Variants in FIP1L1 observed in about 807,000 individuals in gnomAD.
FIP1L1 encodes the protein factor interacting with PAPOLA and CPSF1.
FIP1L1 carries 21 observed loss-of-function variants against 84.6 expected under a neutral mutation model. The ratio of observed to expected loss-of-function variants is 0.25; its 90% CI spans 0.18 to 0.36. FIP1L1 has a LOEUF of 0.36. Ranked by LOEUF, FIP1L1 falls within the 10% of genes least tolerant of loss-of-function variation. FIP1L1 has a pLI of 1.00. For missense variants in FIP1L1, 526 were observed against 751.1 expected, an observed-to-expected ratio of 0.70 and a Z score of 3.50; for synonymous variants, 263 against 242.3, an observed-to-expected ratio of 1.09 and a Z score of -0.80.
chr4:53,417,747 AC>A (rs1293110865), intron 11 of FIP1L1, among the ~76,000 whole-genome samples: 1 of 33,832 alleles, frequency 3.0e-5, no homozygotes, highest in Non-Finnish European at 5.8e-5. Context: ...AAACACACAC[AC>A]ACACACACAC....
Position 53,383,880 on chromosome 4 carries a change from A to C in FIP1L1, c.332+4A>C, listed in dbSNP as rs1560484595. ...AAACGGGAGCACCACAGTATGGGTA[A>C]GTTATTTTTTAGTAAGTAACAATTG... On this transcript the variant is annotated splice_donor_region_variant and intron_variant, in intron 5 of 17. Transcript: ENST00000337488. 1 of 1,608,826 alleles carries C rather than the reference A, an allele frequency of 6.2e-7. No homozygotes were observed. The highest frequency in any genetic ancestry group is 1.1e-5 in the South Asian group (1 of 89,802).
intron 16 of FIP1L1, 130 bp downstream of exon 16, chr4:53,453,263 TAAAATGATA>T (rs1560587730): frequency 4.0e-6 from 4 of 995,388 alleles, no homozygotes. Context: ...AAAGCCATCT[TAAAATGATA>T]AAGGATTAGA....
chr4:53,442,671 G>C lies in FIP1L1; in HGVS notation c.1193G>C (p.Gly398Ala). 6.2e-7 allele frequency: 1 copy of C among 1,606,130 alleles called. No individual in the cohort carries two copies. Among genetic ancestry groups the C allele is most frequent in the Non-Finnish European group, 8.5e-7 (1 of 1,173,310 alleles). ...IPPPGFPPPP[G>A]APPPSLIPTI... Reference sequence around the variant, plus strand: ...GTTTCAGGTTTTCCTCCTCCACCAGGCGCTCCACCTCCATCTCTTATACCA... The same window carrying C: ...GTTTCAGGTTTTCCTCCTCCACCAGCCGCTCCACCTCCATCTCTTATACCA... The change falls in exon 14 of 18, where the codon GGC becomes GCC. Residue 398 changes from glycine (G) to alanine (A), a missense_variant. Coordinates refer to ENST00000337488, the MANE Select transcript of FIP1L1 (RefSeq NM_030917.4).
Position 53,408,757 on chromosome 4 carries a change from A to G in FIP1L1, c.816-5858A>G, listed in dbSNP as rs140910519. On this transcript the variant is annotated intron_variant, in intron 10 of 17. Coordinates refer to ENST00000337488, the MANE Select transcript of FIP1L1 (RefSeq NM_030917.4). ...CATTTCATTCATTTGATCTTGCATCACTGATACCCTTTCTTTCAGTTGATC... is the reference window on the plus strand; with the variant it reads ...CATTTCATTCATTTGATCTTGCATCGCTGATACCCTTTCTTTCAGTTGATC... Among the ~76,000 whole-genome samples the G allele has an allele frequency of 7.0e-3, 1,060 of 152,228 alleles. 6 individuals carry two copies. The highest frequency in any genetic ancestry group is 0.01 in the Middle Eastern group (3 of 294).
At chr4:53,454,855 T>G (rs1718100508) in intron 16 of FIP1L1, among the ~76,000 whole-genome samples, 1 of 152,224 alleles carries the variant, frequency 6.6e-6, no homozygotes, top group African/African-American at 2.4e-5. Context: ...TGATGGCATC[T>G]TCTTCCAGTA....
chr4:53,431,737 G>A (rs76594108), intron 13 of FIP1L1, among the ~76,000 whole-genome samples: 2 of 152,118 alleles, frequency 1.3e-5, no homozygotes, highest in Non-Finnish European at 2.9e-5. Flanking sequence ...AAATTCCCTG[G>A]TTTAGATGAT....
intron 10 of FIP1L1, among the ~76,000 whole-genome samples, chr4:53,409,216 C>G (rs563401102): frequency 6.6e-6 from 1 of 152,354 alleles, no homozygotes; most frequent in East Asian, 1.9e-4. Flanking sequence ...TTCTAACAGA[C>G]AGGACCCTCA....
chr4:53,393,950 T>G (rs1745884748), intron 9 of FIP1L1, among the ~76,000 whole-genome samples: 1 of 152,116 alleles, frequency 6.6e-6, no homozygotes, highest in African/African-American at 2.4e-5. Context: ...TTCTTTTCTA[T>G]TCTAGATAAT....
At position 53,460,103 on chromosome 4, in the gene FIP1L1, ACACT is replaced by A. The variant is rs1193753136; in HGVS notation, c.*656_*659del. The A allele has an allele frequency of 1.0e-5, 2 of 199,824 alleles. No homozygotes were observed. Among genetic ancestry groups the A allele is most frequent in the African/African-American group, 4.6e-5 (2 of 43,422 alleles). 12.4% of individuals were successfully genotyped at this position (199,824 alleles called of 1,614,324 possible). On this transcript the variant is annotated 3_prime_UTR_variant, in exon 18 of 18. Coordinates refer to ENST00000337488, the MANE Select transcript of FIP1L1 (RefSeq NM_030917.4). ...TAGTTTCTAGGAGGCATGTGTACACACACTCTTCATTGTGGCACAAATTTAAATC... is the reference window on the plus strand; with the variant it reads ...TAGTTTCTAGGAGGCATGTGTACACACTTCATTGTGGCACAAATTTAAATC...
At chr4:53,442,594 C>A in intron 13 of FIP1L1, 59 bp from the exon 14 acceptor site, 3 of 1,184,622 alleles carry the variant, frequency 2.5e-6, no homozygotes, top group South Asian at 1.2e-5. Context: ...AACTTTGTTT[C>A]ACTCTTGACA....
At chr4:53,382,512 A>C (rs947754368) in intron 4 of FIP1L1, among the ~76,000 whole-genome samples, 177 bp downstream of exon 4, 1 of 152,222 alleles carries the variant, frequency 6.6e-6, no homozygotes, top group African/African-American at 2.4e-5. Context: ...AATTAAAATG[A>C]GGAAAAGAAA....
chr4:53,437,326 C>CAAAAAAAAA (rs55957570), intron 13 of FIP1L1, among the ~76,000 whole-genome samples: 9 of 64,502 alleles, frequency 1.4e-4, no homozygotes, highest in Middle Eastern at 0.011. Flanking sequence ...CTGTCTCAAC[C>CAAAAAAAAA]AAAAAAAAAA....
At chr4:53,447,808 C>G (rs898639799) in intron 15 of FIP1L1, among the ~76,000 whole-genome samples, 1 of 151,980 alleles carries the variant, frequency 6.6e-6, no homozygotes, top group Admixed American at 6.6e-5. Context: ...CGGCTTATAT[C>G]TATAGCCTGA....
rs548356811 is a variant in FIP1L1, at chr4:53,394,576, T to C, written c.705+3078T>C. 2.6e-5 allele frequency among the ~76,000 whole-genome samples: 4 copies of C among 152,314 alleles called. No homozygotes were observed. The Middle Eastern group carries it at 0.014, about 518-fold the overall frequency. On this transcript the variant is annotated intron_variant, in intron 9 of 17. Transcript: ENST00000337488. ...TTCTGAATTTTTGAGGGTCCTGACA[T>C]GATAATCATTGTCTTTGCTTTCTCA...
At chr4:53,446,295 TTA>T (rs1774183700) in intron 15 of FIP1L1, among the ~76,000 whole-genome samples, 1 of 152,204 alleles carries the variant, frequency 6.6e-6, no homozygotes, top group Non-Finnish European at 1.5e-5. Flanking sequence ...TATTCAGCCA[TTA>T]AATGGACAGC....
chr4:53,453,245 T>C, intron 16 of FIP1L1, 112 bp downstream of exon 16: 1 of 1,214,924 alleles, frequency 8.2e-7, no homozygotes, highest in Non-Finnish European at 1.2e-6. Flanking sequence ...GCTCAGGGAG[T>C]ACATAGGAAA....
intron 9 of FIP1L1, among the ~76,000 whole-genome samples, chr4:53,391,929 T>TA (rs907598452): frequency 2.0e-5 from 3 of 152,238 alleles, no homozygotes; most frequent in African/African-American, 7.2e-5. Context: ...ATCATTGGTG[T>TA]AATGCCCTGA....
In FIP1L1 at chr4:53,459,989, A is replaced by G. The variant is rs1721541984; in HGVS notation, c.*540A>G. On this transcript the variant is annotated 3_prime_UTR_variant, in exon 18 of 18. Transcript: ENST00000337488. The stretch of plus-strand genomic sequence containing the variant: ...TAAATTTGGGTTCCTGGTGAAACCA[A>G]ATGGGGTACACTTTCATATCCAAAT... 1 of 212,970 alleles carries G rather than the reference A, an allele frequency of 4.7e-6. No individual in the cohort carries two copies. The allele number at this position is 212,970 out of a possible 1,614,324, so 13.2% of individuals were successfully genotyped here. A position where few individuals can be genotyped will look rare whatever the true frequency, so the allele number is the denominator to read the frequency against.
At chr4:53,440,362 C>A (rs1280450217) in intron 13 of FIP1L1, among the ~76,000 whole-genome samples, 3 of 151,864 alleles carry the variant, frequency 2.0e-5, no homozygotes, top group African/African-American at 7.2e-5. Context: ...GTGGGGGAAA[C>A]CTTGTTATCA....
Sources: gnomAD v4.1 joint callset for allele counts (sites outside exome capture counted in the v4.1 genomes callset) on GRCh38, gnomAD v4.1.1 for gene constraint, MANE v1.5 for transcripts, NCBI Gene and HGNC (gene_info 2026-07-23, HGNC 2026-07-21) for gene names.